UTRN: variants seen among roughly 807,000 people sequenced by gnomAD.
The protein encoded by UTRN is dystrophin-related protein 1.
In UTRN, 283 loss-of-function variants were observed where a neutral mutation model predicts 463.9. That is an observed-to-expected ratio of 0.61 (90% CI 0.55 to 0.67). The LOEUF is 0.67. UTRN is among the 30% of genes least tolerant of loss of function. The pLI, the probability that UTRN is intolerant of heterozygous loss-of-function variation, is 0.00. For missense variants in UTRN, 3,922 were observed against 4,084.3 expected (o/e 0.96, Z 1.08); for synonymous variants, 1,442 against 1,431.5 (o/e 1.01, Z -0.17).
chr6:144,580,756 T>A (rs185718208), intron 51 of UTRN, among the ~76,000 whole-genome samples: 71 of 152,278 alleles, frequency 4.7e-4, no homozygotes, highest in Admixed American at 1.2e-3. Context: ...TGAAGAGAAG[T>A]CATAAAGGAT....
intron 64 of UTRN, among the ~76,000 whole-genome samples, chr6:144,802,003 G>A (rs1171620961): frequency 9.8e-5 from 15 of 152,304 alleles, no homozygotes; most frequent in Non-Finnish European, 7.4e-5. Flanking sequence ...ATCAGCAAGA[G>A]AGGCTAAGAA....
At chr6:144,847,821 T>C (rs972538411) in intron 74 of UTRN, among the ~76,000 whole-genome samples, 9 of 152,200 alleles carry the variant, frequency 5.9e-5, no homozygotes, top group Admixed American at 5.2e-4. Context: ...GTTCCCACTT[T>C]TAATTTTTCC....
At chr6:144,820,792 T>C in intron 65 of UTRN, 90 bp from the exon 66 acceptor site, 1 of 1,460,962 alleles carries the variant, frequency 6.8e-7, no homozygotes, top group Non-Finnish European at 9.2e-7. Flanking sequence ...GACATTTAAT[T>C]GCATCAATTT....
chr6:144,597,641 G>A (rs1405601503), intron 51 of UTRN, among the ~76,000 whole-genome samples: 1 of 152,160 alleles, frequency 6.6e-6, no homozygotes, highest in Non-Finnish European at 1.5e-5. Flanking sequence ...ATTCATCAAG[G>A]TTAGTAGAAA....
intron 30 of UTRN, 112 bp downstream of exon 30, chr6:144,488,946 A>T: frequency 3.7e-6 from 4 of 1,090,672 alleles, no homozygotes; most frequent in Non-Finnish European, 4.9e-6. Flanking sequence ...AATGGGAAAG[A>T]TTGACCTTAC....
intron 53 of UTRN, among the ~76,000 whole-genome samples, chr6:144,703,860 C>A (rs1020009243): frequency 2.6e-5 from 4 of 152,006 alleles, no homozygotes; most frequent in African/African-American, 9.7e-5. Context: ...CAGATAGTAG[C>A]TGAAGAAAGA....
intron 3 of UTRN, among the ~76,000 whole-genome samples, chr6:144,409,034 C>G (rs969081485): frequency 1.3e-5 from 2 of 152,196 alleles, no homozygotes; most frequent in African/African-American, 4.8e-5. Flanking sequence ...GAGCCATACA[C>G]ATTCAAGTGG....
intron 29 of UTRN, among the ~76,000 whole-genome samples, 168 bp from the exon 30 acceptor site, chr6:144,488,505 C>T (rs1012007694): frequency 6.6e-6 from 1 of 151,910 alleles, no homozygotes; most frequent in Non-Finnish European, 1.5e-5. Flanking sequence ...ACATAAGATC[C>T]TAGTGGGACA....
chr6:144,818,810 GAT>G (rs1423033181), intron 65 of UTRN, among the ~76,000 whole-genome samples: 1 of 151,738 alleles, frequency 6.6e-6, no homozygotes, highest in East Asian at 1.9e-4. Flanking sequence ...TATAGTAGAT[GAT>G]ATATCCTTTT....
intron 63 of UTRN, among the ~76,000 whole-genome samples, chr6:144,796,537 T>G (rs1027416984): frequency 1.3e-5 from 2 of 152,156 alleles, no homozygotes; most frequent in Non-Finnish European, 2.9e-5. Flanking sequence ...AAGTATCAGT[T>G]TTTTTTCTTT....
chr6:144,812,354 T>G (rs984498335), intron 65 of UTRN, among the ~76,000 whole-genome samples: 7 of 152,150 alleles, frequency 4.6e-5, no homozygotes, highest in Non-Finnish European at 1.0e-4. Context: ...TTATGAATAC[T>G]GGGGGAAGGG....
chr6:144,846,016 G>T (rs1781980095), intron 73 of UTRN, among the ~76,000 whole-genome samples: 1 of 152,020 alleles, frequency 6.6e-6, no homozygotes, highest in Admixed American at 6.6e-5. Context: ...AGAACAGATT[G>T]TTGCCATTAC....
intron 64 of UTRN, among the ~76,000 whole-genome samples, chr6:144,800,167 G>A (rs1427212461): frequency 6.6e-6 from 1 of 152,040 alleles, no homozygotes; most frequent in African/African-American, 2.4e-5. Context: ...AGAGAGTGAA[G>A]GAGAGGATAA....
At chr6:144,784,049 G>A (rs981144922) in intron 61 of UTRN, among the ~76,000 whole-genome samples, 1 of 152,026 alleles carries the variant, frequency 6.6e-6, no homozygotes, top group Non-Finnish European at 1.5e-5. Context: ...CAAAATAGTT[G>A]GTCAAAGGTG....
intron 57 of UTRN, among the ~76,000 whole-genome samples, chr6:144,755,904 A>G (rs947172668): frequency 2.0e-5 from 3 of 151,992 alleles, no homozygotes; most frequent in African/African-American, 7.2e-5. Flanking sequence ...TTCTTTTACA[A>G]TTTCAAGAAT....
chr6:144,570,799 G>A (rs17073869), intron 50 of UTRN, among the ~76,000 whole-genome samples: 11 of 151,892 alleles, frequency 7.2e-5, no homozygotes, highest in Non-Finnish European at 1.0e-4. Flanking sequence ...AAGTATGACC[G>A]TAGGTTGTCT....
chr6:144,732,166 A>G (rs543269091), intron 54 of UTRN, among the ~76,000 whole-genome samples: 1 of 147,686 alleles, frequency 6.8e-6, no homozygotes, highest in East Asian at 2.0e-4. Flanking sequence ...TCAGCCTTAT[A>G]TTTGTTATTT....
At chr6:144,391,315 T>C (rs1781902451) in intron 2 of UTRN, among the ~76,000 whole-genome samples, 1 of 152,178 alleles carries the variant, frequency 6.6e-6, no homozygotes, top group African/African-American at 2.4e-5. Flanking sequence ...CAAGAGATCC[T>C]TCCTGGAGGC....
intron 3 of UTRN, among the ~76,000 whole-genome samples, chr6:144,412,762 TACAC>T (rs149751810): frequency 0.022 from 3,177 of 144,210 alleles, 84 homozygotes; most frequent in East Asian, 0.13. Flanking sequence ...ACACACACCA[TACAC>T]ACACACACAC....
Sources: allele counts gnomAD v4.1 joint callset (sites outside exome capture counted in the v4.1 genomes callset), GRCh38; gene constraint gnomAD v4.1.1; transcripts MANE v1.5; gene names NCBI Gene and HGNC (gene_info 2026-07-23, HGNC 2026-07-21).